P4HA1: variants seen among roughly 807,000 people sequenced by gnomAD.
The protein encoded by P4HA1 is prolyl 4-hydroxylase subunit alpha-1.
P4HA1 carries 24 observed loss-of-function variants against 72.8 expected under a neutral mutation model. That is an observed-to-expected ratio of 0.33 (90% CI 0.24 to 0.46). The LOEUF (loss-of-function observed/expected upper bound fraction) is 0.46, where lower values mean the gene tolerates loss of function less well. Among genes scored for constraint, P4HA1 ranks in the 20% least tolerant of loss-of-function variants. The probability of loss-of-function intolerance (pLI) is 1.00; values close to 1 mark genes in which losing one functional copy is unlikely to be tolerated. For missense variants in P4HA1, 446 were observed against 640.6 expected, an observed-to-expected ratio of 0.70 and a Z score of 3.28; for synonymous variants, 201 against 218.8, an observed-to-expected ratio of 0.92 and a Z score of 0.72.
chr10:73,054,436 A>G (rs1193197617), intron 5 of P4HA1, among the ~76,000 whole-genome samples: 1 of 152,246 alleles, frequency 6.6e-6, no homozygotes, highest in East Asian at 1.9e-4. Context: ...CACTCCAAAA[A>G]GAAACCCTGT....
intron 9 of P4HA1, among the ~76,000 whole-genome samples, chr10:73,034,485 C>A (rs57814779): frequency 0.16 from 24,187 of 151,946 alleles, 3,205 homozygotes; most frequent in African/African-American, 0.34. Flanking sequence ...CTCTATTCTA[C>A]GTTCTGTCTG....
chr10:73,008,214 C>G lies in P4HA1; in HGVS notation c.*8G>C. The G allele has an allele frequency of 1.3e-6, 2 of 1,580,824 alleles. No individual in the cohort carries two copies. The highest frequency in any genetic ancestry group is 8.7e-7 in the Non-Finnish European group (1 of 1,150,600). ...TACAACAATAGGAGAAAAAGGGAAG[C>G]CTGTTTGTCATTCCAATTCTGACAA... is the stretch of plus-strand genomic sequence containing the variant. On this transcript the variant is annotated 3_prime_UTR_variant, in exon 15 of 15. Coordinates refer to ENST00000394890, the MANE Select transcript of P4HA1 (RefSeq NM_001017962.3).
intron 9 of P4HA1, among the ~76,000 whole-genome samples, chr10:73,040,788 T>A (rs936226665): frequency 1.3e-5 from 2 of 152,168 alleles, no homozygotes; most frequent in Non-Finnish European, 2.9e-5. Context: ...TTGTTTTATA[T>A]GCTTCCTAGA....
intron 4 of P4HA1, among the ~76,000 whole-genome samples, chr10:73,070,001 G>A (rs529382516): frequency 2.0e-5 from 3 of 151,638 alleles, no homozygotes; most frequent in Admixed American, 6.6e-5. Flanking sequence ...GTAGAGACGG[G>A]GTTTCACCGT....
At chr10:73,017,023 A>G (rs7085141) in intron 10 of P4HA1, 124 bp from the exon 11 acceptor site, 69,820 of 617,920 alleles carry the variant, frequency 0.11, 7,157 homozygotes, top group African/African-American at 0.34. Context: ...GAAATGAAAA[A>G]TATTTAAAAT....
chr10:73,056,480 A>G (rs901038026), intron 5 of P4HA1, among the ~76,000 whole-genome samples: 7 of 151,820 alleles, frequency 4.6e-5, no homozygotes. Context: ...AAAAATATAA[A>G]AATCAGCCAG....
chr10:73,016,584 C>T (rs760963212), intron 11 of P4HA1, among the ~76,000 whole-genome samples: 1 of 152,216 alleles, frequency 6.6e-6, no homozygotes, highest in African/African-American at 2.4e-5. Context: ...CAAGACCAGC[C>T]TGGCCAAAAT....
chr10:73,070,226 T>C (rs1281111165), intron 4 of P4HA1, among the ~76,000 whole-genome samples: 3 of 141,734 alleles, frequency 2.1e-5, no homozygotes, highest in Non-Finnish European at 4.5e-5. Flanking sequence ...AGTGCAATCT[T>C]GGCTCATGGC....
chr10:73,037,567 ATATATTTTT>A (rs1310077186), intron 9 of P4HA1, among the ~76,000 whole-genome samples: 11 of 28,978 alleles, frequency 3.8e-4, no homozygotes, highest in African/African-American at 1.5e-3. Context: ...ATATATATAT[ATATATTTTT>A]TTTTTTTTTT....
At chr10:73,020,138 T>A (rs899274559) in intron 10 of P4HA1, among the ~76,000 whole-genome samples, 3 of 151,978 alleles carry the variant, frequency 2.0e-5, no homozygotes, top group African/African-American at 7.2e-5. Flanking sequence ...TAAAGAATTC[T>A]AGAAACAGCA....
At chr10:73,053,306 T>C in intron 6 of P4HA1, 45 bp downstream of exon 6, 1 of 1,567,132 alleles carries the variant, frequency 6.4e-7, no homozygotes, top group Non-Finnish European at 8.7e-7. Flanking sequence ...AGAATATATA[T>C]CCCTCAATAT....
In P4HA1 at chr10:73,070,142, C is replaced by CTTTTTTTTTTT. The variant is rs71021546; in HGVS notation, c.326-1170_326-1160dup. Among the ~76,000 whole-genome samples, 16 of 64,500 alleles carry CTTTTTTTTTTT rather than the reference C, an allele frequency of 2.5e-4. 2 individuals carry two copies. Among genetic ancestry groups the CTTTTTTTTTTT allele is most frequent in the South Asian group, 5.7e-4 (1 of 1,740 alleles). 42.3% of individuals were successfully genotyped at this position (64,500 alleles called of 152,430 possible). A position where few individuals can be genotyped will look rare whatever the true frequency, so the allele number is the denominator to read the frequency against. On this transcript the variant is annotated intron_variant, in intron 4 of 14. Transcript: ENST00000394890. ...TATTTTGAACAGCAAGAGACCAGGCCTTTTTTTTTTTTTTTTTTTTTTTTT... is the reference window on the plus strand; with the variant it reads ...TATTTTGAACAGCAAGAGACCAGGCCTTTTTTTTTTTTTTTTTTTTTTTTTTTTTTTTTTTT...
intron 12 of P4HA1, among the ~76,000 whole-genome samples, chr10:73,012,481 T>C (rs1454030574): frequency 6.6e-6 from 1 of 152,218 alleles, no homozygotes; most frequent in African/African-American, 2.4e-5. Flanking sequence ...CTTTGTGGTA[T>C]TTCTCTTTTT....
At chr10:73,038,728 G>A (rs1424594518) in intron 9 of P4HA1, among the ~76,000 whole-genome samples, 4 of 108,486 alleles carry the variant, frequency 3.7e-5, no homozygotes, top group African/African-American at 5.2e-5. Context: ...CCGGGTTCAC[G>A]CCATTCTCCT....
intron 9 of P4HA1, among the ~76,000 whole-genome samples, chr10:73,038,529 T>C (rs1840653655): frequency 6.6e-6 from 1 of 152,060 alleles, no homozygotes; most frequent in Admixed American, 6.5e-5. Flanking sequence ...AATGTTTACA[T>C]TTCAAAAACT....
chr10:73,013,623 T>C (rs1839954689), intron 12 of P4HA1, among the ~76,000 whole-genome samples: 2 of 152,202 alleles, frequency 1.3e-5, no homozygotes, highest in Admixed American at 1.3e-4. Context: ...GAGTGCTTTA[T>C]TTGGGGTAAC....
Position 73,008,079 on chromosome 10 carries a change from A to G in P4HA1, c.*143T>C, listed in dbSNP as rs887169108. On this transcript the variant is annotated 3_prime_UTR_variant, in exon 15 of 15. Coordinates refer to ENST00000394890, the MANE Select transcript of P4HA1 (RefSeq NM_001017962.3). ...GAACCCACAAAGTAAGCAATTGTCC[A>G]CAGATGAAACATGGGATGAGGTTCA... is the stretch of plus-strand genomic sequence containing the variant. The G allele has an allele frequency of 1.8e-5, 9 of 509,468 alleles. No individual in the cohort carries two copies. The highest frequency in any genetic ancestry group is 2.9e-5 in the Non-Finnish European group (8 of 279,528). 31.6% of individuals were successfully genotyped at this position (509,468 alleles called of 1,614,324 possible). A position where few individuals can be genotyped will look rare whatever the true frequency, so the allele number is the denominator to read the frequency against.
chr10:73,039,275 C>A (rs1487359032), intron 9 of P4HA1, among the ~76,000 whole-genome samples: 2 of 149,910 alleles, frequency 1.3e-5, no homozygotes, highest in African/African-American at 5.0e-5. Context: ...CAGAGCAAGA[C>A]CCTGCCTCTT....
At chr10:73,076,075 T>TA (rs987322309) in intron 1 of P4HA1, among the ~76,000 whole-genome samples, 11 of 151,936 alleles carry the variant, frequency 7.2e-5, no homozygotes, top group Non-Finnish European at 1.3e-4. Flanking sequence ...ACCCCATCTC[T>TA]AAAAAACATG....
Sources: gnomAD v4.1 joint callset for allele counts (sites outside exome capture counted in the v4.1 genomes callset) on GRCh38, gnomAD v4.1.1 for gene constraint, MANE v1.5 for transcripts, NCBI Gene and HGNC (gene_info 2026-07-23, HGNC 2026-07-21) for gene names.